The following KLF8 variants were observed in gnomAD, a reference collection of about 807,000 sequenced individuals.
KLF8 encodes KLF transcription factor 8.
KLF8 carries 10 observed loss-of-function variants against 18.2 expected under a neutral mutation model. That is an observed-to-expected ratio of 0.55 (90% CI 0.34 to 0.93). The LOEUF (loss-of-function observed/expected upper bound fraction) is 0.93. KLF8 is among the 40% of genes least tolerant of loss of function. KLF8 has a pLI of 0.02. For synonymous variants in KLF8, 109 were observed against 97.3 expected, an observed-to-expected ratio of 1.12 and a Z score of -0.71; for missense variants, 264 against 277.9, an observed-to-expected ratio of 0.95 and a Z score of 0.36.
chrX:56,138,858 C>T, the KLF8 span, among the ~76,000 whole-genome samples: 48 of 110,903 alleles, frequency 4.3e-4, no homozygotes, highest in African/African-American at 1.3e-3. Flanking sequence ...CATCCAAATA[C>T]GAACAGAAGA....
the KLF8 span, among the ~76,000 whole-genome samples, chrX:56,020,674 G>A: frequency 9.0e-6 from 1 of 111,492 alleles, no homozygotes; most frequent in African/African-American, 3.3e-5. Context: ...CTATGTTGAG[G>A]TGCTTCCGGA....
chrX:56,165,399 A>C, the KLF8 span, among the ~76,000 whole-genome samples: 1 of 112,407 alleles, frequency 8.9e-6, no homozygotes, highest in African/African-American at 3.2e-5. Flanking sequence ...ATGTGAAACA[A>C]TATCAGTGAG....
chrX:55,935,631 C>A, the KLF8 span, among the ~76,000 whole-genome samples: 1 of 111,991 alleles, frequency 8.9e-6, no homozygotes, highest in East Asian at 2.8e-4. Context: ...AATAAATGAA[C>A]TAGAGCCACA....
At chrX:56,075,255 A>G in the KLF8 span, among the ~76,000 whole-genome samples, 12,018 of 111,032 alleles carry the variant, frequency 0.11, 1,113 homozygotes, top group African/African-American at 0.3. Context: ...ATAATCTTAA[A>G]TTTACAAATT....
the KLF8 span, among the ~76,000 whole-genome samples, chrX:56,009,896 A>C: frequency 8.9e-6 from 1 of 112,443 alleles, no homozygotes; most frequent in Non-Finnish European, 1.9e-5. Flanking sequence ...TAAAACAGGC[A>C]GACAAGATTG....
At chrX:55,950,337 T>C in the KLF8 span, among the ~76,000 whole-genome samples, 1 of 110,666 alleles carries the variant, frequency 9.0e-6, no homozygotes, top group Non-Finnish European at 1.9e-5. Flanking sequence ...GCAGTATGAG[T>C]AGTTAGAGGC....
chrX:55,943,920 TA>T, the KLF8 span, among the ~76,000 whole-genome samples: 1 of 112,102 alleles, frequency 8.9e-6, no homozygotes, highest in Non-Finnish European at 1.9e-5. Context: ...TGTTTGCAGA[TA>T]AAATTATGCA....
chrX:56,230,188 C>T (rs1178237635), upstream of KLF8, among the ~76,000 whole-genome samples: 8 of 112,334 alleles, frequency 7.1e-5, no homozygotes, highest in Admixed American at 7.5e-4. Context: ...GTAGTGGCTA[C>T]TCTTTTCAAA....
chrX:56,136,207 A>G, the KLF8 span, among the ~76,000 whole-genome samples: 1 of 111,916 alleles, frequency 8.9e-6, no homozygotes, highest in African/African-American at 3.3e-5. Flanking sequence ...TGCCATCCCC[A>G]TCAAGCTACC....
At chrX:55,911,666 A>G in the KLF8 span, among the ~76,000 whole-genome samples, 1 of 111,867 alleles carries the variant, frequency 8.9e-6, no homozygotes, top group African/African-American at 3.2e-5. Context: ...GAGAGAAAGA[A>G]GAAAAAAGCC....
the KLF8 span, among the ~76,000 whole-genome samples, chrX:56,056,798 T>TA: frequency 9.3e-3 from 510 of 54,916 alleles, 4 homozygotes; most frequent in African/African-American, 0.04. Context: ...TTAAAGTATA[T>TA]ATAAAAAAAA....
the KLF8 span, among the ~76,000 whole-genome samples, chrX:56,184,843 A>C: frequency 1.8e-5 from 2 of 112,445 alleles, no homozygotes; most frequent in Non-Finnish European, 3.8e-5. Flanking sequence ...ACTAACAAAC[A>C]GAAAGGACAT....
At chrX:56,200,413 G>A in the KLF8 span, among the ~76,000 whole-genome samples, 1 of 110,029 alleles carries the variant, frequency 9.1e-6, no homozygotes, top group Non-Finnish European at 1.9e-5. Context: ...ATGGTGTTGG[G>A]AAAATTGGAC....
At chrX:56,060,832 T>G in the KLF8 span, among the ~76,000 whole-genome samples, 1 of 111,977 alleles carries the variant, frequency 8.9e-6, no homozygotes, top group African/African-American at 3.2e-5. Flanking sequence ...CTTGGGTTTT[T>G]TTGGTTGGTA....
the KLF8 span, among the ~76,000 whole-genome samples, chrX:56,172,679 A>G: frequency 8.9e-6 from 1 of 112,133 alleles, no homozygotes; most frequent in Non-Finnish European, 1.9e-5. Flanking sequence ...AGGAATCGCC[A>G]CACTGACTTC....
At chrX:56,253,675 A>G (rs1206032174) in intron 2 of KLF8, among the ~76,000 whole-genome samples, 1 of 109,123 alleles carries the variant, frequency 9.2e-6, no homozygotes, top group Non-Finnish European at 1.9e-5. Context: ...TTTGCTTAGG[A>G]TAACAGGCTA....
At chrX:56,139,338 C>T in the KLF8 span, among the ~76,000 whole-genome samples, 5 of 111,414 alleles carry the variant, frequency 4.5e-5, no homozygotes, top group African/African-American at 6.5e-5. Context: ...AGAGCTCGAA[C>T]GGCCAAAACA....
chrX:56,034,735 C>T, the KLF8 span, among the ~76,000 whole-genome samples: 1 of 98,858 alleles, frequency 1.0e-5, no homozygotes, highest in African/African-American at 3.7e-5. Flanking sequence ...TGGTATAGAA[C>T]ACGAACTTAT....
chrX:56,089,036 T>A, the KLF8 span, among the ~76,000 whole-genome samples: 3 of 111,633 alleles, frequency 2.7e-5, no homozygotes, highest in African/African-American at 9.8e-5. Context: ...TCCTGACAAC[T>A]GTTTTTTCCT....
Sources: gnomAD v4.1 joint callset for allele counts (sites outside exome capture counted in the v4.1 genomes callset) on GRCh38, gnomAD v4.1.1 for gene constraint, MANE v1.5 for transcripts, NCBI Gene and HGNC (gene_info 2026-07-23, HGNC 2026-07-21) for gene names.